FMO5: variants seen among roughly 807,000 people sequenced by gnomAD.
FMO5 encodes the protein flavin-containing monooxygenase 5.
A neutral mutation model predicts 43.6 loss-of-function variants in FMO5; 51 were observed. The ratio of observed to expected loss-of-function variants is 1.17; its 90% CI spans 0.93 to 1.48. FMO5 has a LOEUF of 1.48. Among genes scored for constraint, FMO5 ranks in the 40% most tolerant of loss-of-function variants. FMO5 has a pLI of 0.00. For missense variants in FMO5, 644 were observed against 643.0 expected, an observed-to-expected ratio of 1.00 and a Z score of -0.02; for synonymous variants, 187 against 216.5, an observed-to-expected ratio of 0.86 and a Z score of 1.20.
chr1:147,210,480 A>G (rs1291805227), intron 5 of FMO5: 1 of 152,166 alleles, frequency 6.6e-6, no homozygotes. Context: ...CAGAGGGATA[A>G]TTGTTTACTT....
chr1:147,204,569 C>T, intron 6 of FMO5: 5 of 1,589,042 alleles, frequency 3.1e-6, no homozygotes, highest in Non-Finnish European at 4.3e-6. Flanking sequence ...ACTGACAGGC[C>T]AATCCTCAGA....
In FMO5 at chr1:147,225,285, A is replaced by T. The variant is rs1663848464; in HGVS notation, c.-38+2T>A. 2 of 876,926 alleles carry T rather than the reference A, an allele frequency of 2.3e-6. No individual in the cohort carries two copies. Among genetic ancestry groups the T allele is most frequent in the Non-Finnish European group, 3.2e-6 (2 of 626,034 alleles). The allele number at this position is 876,926 out of a possible 1,614,324, so 54.3% of individuals were successfully genotyped here. On this transcript the variant is annotated splice_donor_variant, in intron 1 of 8. Coordinates refer to ENST00000254090, the MANE Select transcript of FMO5 (RefSeq NM_001461.4). LOFTEE classifies it low-confidence loss of function (5UTR_SPLICE). The stretch of plus-strand genomic sequence containing the variant: ...GTGCTCTGCTGCGGTACCGGATCTC[A>T]CCGCCTTTCCTGAAGCGCTCAACAG...
At chr1:147,194,706 G>A (rs1197354016) in intron 7 of FMO5, among the ~76,000 whole-genome samples, 1 of 151,934 alleles carries the variant, frequency 6.6e-6, no homozygotes, top group Non-Finnish European at 1.5e-5. Context: ...AGGCCTGGTG[G>A]TCACAAAATC....
chr1:147,202,237 G>C (rs1659101544), intron 6 of FMO5, among the ~76,000 whole-genome samples: 1 of 150,160 alleles, frequency 6.7e-6, no homozygotes, highest in Non-Finnish European at 1.5e-5. Flanking sequence ...AAAAGTAATT[G>C]CTTATTTTTT....
In FMO5 at chr1:147,208,920, G is replaced by A. The variant is rs782673844; in HGVS notation, c.762C>T (p.Asn254=). The A allele has an allele frequency of 2.5e-6, 4 of 1,613,924 alleles. No homozygotes were observed. In the African/African-American group the frequency reaches 4.0e-5, roughly 16 times the overall value. The change falls in exon 6 of 9, where the codon AAC becomes AAT. Residue 254 remains asparagine, a synonymous_variant. Transcript: ENST00000254090. The stretch of plus-strand genomic sequence containing the variant: ...GGTTTATCTTTTTTTCCAAATATTT[G>A]TTTGCTAATGATTGGCCACAGATCT... The part of the protein sequence containing the change: ...IWKICGQSLA[N]KYLEKKINQR...
At chr1:147,209,114 C>A in intron 5 of FMO5, 63 bp from the exon 6 acceptor site, 3 of 1,428,648 alleles carry the variant, frequency 2.1e-6, no homozygotes, top group South Asian at 1.2e-5. Flanking sequence ...AAAAGCACCC[C>A]CATTTTCTTC....
chr1:147,192,538 C>G (rs1355985044), intron 7 of FMO5, among the ~76,000 whole-genome samples: 3 of 151,812 alleles, frequency 2.0e-5, no homozygotes, highest in African/African-American at 7.3e-5. Flanking sequence ...GCCAGAATAT[C>G]CAACACTCTG....
chr1:147,215,716 A>G lies in FMO5; in HGVS notation c.324+38T>C, dbSNP rs782026874. ...ACCACGTTATTCATTTACTTGGCAA[A>G]CAACTTCAAACACAAAGATACCCAC... is the stretch of plus-strand genomic sequence containing the variant. On this transcript the variant is annotated intron_variant, in intron 3 of 8. Coordinates refer to ENST00000254090, the MANE Select transcript of FMO5 (RefSeq NM_001461.4). The G allele has an allele frequency of 6.9e-6, 10 of 1,457,548 alleles. No individual in the cohort carries two copies. The Admixed American group carries it at 2.0e-4, about 30-fold the overall frequency. The allele number at this position is 1,457,548 out of a possible 1,614,324, so 90.3% of individuals were successfully genotyped here. A position where few individuals can be genotyped will look rare whatever the true frequency, so the allele number is the denominator to read the frequency against.
At chr1:147,225,226 G>A (rs1663837686) in intron 1 of FMO5, 61 bp downstream of exon 1, 1 of 1,399,038 alleles carries the variant, frequency 7.1e-7, no homozygotes, top group African/African-American at 1.4e-5. Context: ...GCTGGCATGG[G>A]GGAGCCCTGC....
intron 6 of FMO5, among the ~76,000 whole-genome samples, chr1:147,207,144 G>A (rs1225948794): frequency 6.6e-6 from 1 of 152,020 alleles, no homozygotes; most frequent in Non-Finnish European, 1.5e-5. Flanking sequence ...TGGTTATGTA[G>A]GAGAATGCCC....
intron 7 of FMO5, among the ~76,000 whole-genome samples, chr1:147,194,796 G>T (rs1446058448): frequency 6.6e-6 from 1 of 151,878 alleles, no homozygotes; most frequent in East Asian, 1.9e-4. Context: ...TGAAATTCTG[G>T]GTTGAAAATT....
rs28381189 is a variant in FMO5 at position 147,212,297 on chromosome 1, C to T, written c.630+96G>A. 737 of 1,273,040 alleles carry T rather than the reference C, an allele frequency of 5.8e-4. 7 individuals carry two copies. In the African/African-American group the frequency reaches 8.6e-3, roughly 15 times the overall value. The allele number at this position is 1,273,040 out of a possible 1,614,324, so 78.9% of individuals were successfully genotyped here. On this transcript the variant is annotated intron_variant, in intron 5 of 8. Coordinates refer to ENST00000254090, the MANE Select transcript of FMO5 (RefSeq NM_001461.4). ...GCCACTGGCACTGAAGGGCTATGTGCAGGTATCCCTATTCTCTGTTGGGTC... is the reference window on the plus strand; with the variant it reads ...GCCACTGGCACTGAAGGGCTATGTGTAGGTATCCCTATTCTCTGTTGGGTC...
At chr1:147,212,277 T>C in intron 5 of FMO5, 116 bp downstream of exon 5, 3 of 1,049,462 alleles carry the variant, frequency 2.9e-6, no homozygotes, top group Non-Finnish European at 4.2e-6. Context: ...TATTTGCCAC[T>C]GGCACTGAAG....
rs1661466498 is a variant in FMO5, at chr1:147,213,725, T to C, written c.325-255A>G. Among the ~76,000 whole-genome samples, 8 of 152,254 alleles carry C rather than the reference T, an allele frequency of 5.3e-5. 2 individuals are homozygous for C. In the South Asian group the frequency reaches 1.7e-3, roughly 32 times the overall value. The stretch of plus-strand genomic sequence containing the variant: ...TTCTAGAAAAGTGCAAGTCACCAGG[T>C]CTCTTGGTCCAGGTCCTAAGGCACT... On this transcript the variant is annotated intron_variant, in intron 3 of 8. Transcript: ENST00000254090.
chr1:147,216,573 T>A (rs112335462), intron 2 of FMO5, among the ~76,000 whole-genome samples: 1 of 152,246 alleles, frequency 6.6e-6, no homozygotes, highest in South Asian at 2.1e-4. Flanking sequence ...CCTAGCCTTT[T>A]AAAAAAATAT....
chr1:147,189,771 T>G (rs1211582679), intron 8 of FMO5, among the ~76,000 whole-genome samples: 3 of 152,172 alleles, frequency 2.0e-5, no homozygotes, highest in Non-Finnish European at 2.9e-5. Context: ...CACTGCAGAC[T>G]TGTAAATCTA....
At position 147,204,194 on chromosome 1, in the gene FMO5, T is replaced by C. The variant is rs1313469452; in HGVS notation, c.831-2690A>G. The C allele has an allele frequency of 6.6e-6, 9 of 1,368,208 alleles. No homozygotes were observed. In the African/African-American group the frequency reaches 1.1e-4, roughly 17 times the overall value. The allele number at this position is 1,368,208 out of a possible 1,614,324, so 84.8% of individuals were successfully genotyped here. On this transcript the variant is annotated intron_variant, in intron 6 of 8. Transcript: ENST00000254090. ...TCCCTTAGTTTCTGTTATCATGCCATCAAAAGGACAAGAGTACACTGCTAT... is the reference window on the plus strand; with the variant it reads ...TCCCTTAGTTTCTGTTATCATGCCACCAAAAGGACAAGAGTACACTGCTAT...
chr1:147,193,541 T>C (rs1571182453), intron 7 of FMO5, among the ~76,000 whole-genome samples: 1 of 152,158 alleles, frequency 6.6e-6, no homozygotes, highest in Non-Finnish European at 1.5e-5. Flanking sequence ...TTTCTTGCCT[T>C]CTTCTAGCTT....
intron 2 of FMO5, chr1:147,223,842 C>G: frequency 3.3e-6 from 1 of 303,314 alleles, no homozygotes. Flanking sequence ...TGACTGCTTA[C>G]GCGGGCCCAC....
Sources: gnomAD v4.1 joint callset for allele counts (sites outside exome capture counted in the v4.1 genomes callset) on GRCh38, gnomAD v4.1.1 for gene constraint, MANE v1.5 for transcripts, NCBI Gene and HGNC (gene_info 2026-07-23, HGNC 2026-07-21) for gene names.